HYOU1: variants seen among roughly 807,000 people sequenced by gnomAD.
HYOU1 encodes hypoxia up-regulated protein 1.
In HYOU1, 40 loss-of-function variants were observed where a neutral mutation model predicts 120.5. The ratio of observed to expected loss-of-function variants is 0.33; its 90% CI spans 0.26 to 0.43. The LOEUF (loss-of-function observed/expected upper bound fraction) is 0.43. Ranked by LOEUF, HYOU1 falls within the 20% of genes least tolerant of loss-of-function variation. The pLI, the probability that HYOU1 is intolerant of heterozygous loss-of-function variation, is 1.00. For missense variants in HYOU1, 1,085 were observed against 1,278.3 expected (o/e 0.85, Z 2.31); for synonymous variants, 501 against 479.4 (o/e 1.05, Z -0.59).
intron 1 of HYOU1, chr11:119,056,377 G>C: frequency 1.5e-6 from 1 of 655,992 alleles, no homozygotes. Context: ...CCAAGTGAAA[G>C]AGCATGGGTC....
chr11:119,052,394 T>C lies in HYOU1; in HGVS notation c.1023A>G (p.Ala341=). The C allele has an allele frequency of 6.2e-7, 1 of 1,614,226 alleles. No individual in the cohort carries two copies. Among genetic ancestry groups the C allele is most frequent in the Non-Finnish European group, 8.5e-7 (1 of 1,180,032 alleles). ...CCTCAAATTCCACACGAGTCACTTT[T>C]GCCTTGAAGTCCACATCATCCATCA... ...EGLMDDVDFK[A]KVTRVEFEEL... Residue 341 remains alanine, a synonymous_variant, in exon 10 of 26, where the codon GCA becomes GCG. Transcript: ENST00000617285. This position sits in a 1 kb window ranked among gnomAD's most constrained non-coding sequence, Gnocchi z 5.0.
Position 119,051,179 on chromosome 11 carries a change from T to C in HYOU1, c.1527-6A>G. Reference sequence around the variant, plus strand: ...GATTCTGGGAGCCAAATACCCTGGTTGGGAAGGAAAGAGGAGTTCAGGGGG... The same window carrying C: ...GATTCTGGGAGCCAAATACCCTGGTCGGGAAGGAAAGAGGAGTTCAGGGGG... On this transcript the variant is annotated splice_polypyrimidine_tract_variant and splice_region_variant and intron_variant, in intron 13 of 25. Transcript: ENST00000617285. This position sits in a 1 kb window ranked among gnomAD's most constrained non-coding sequence, Gnocchi z 4.2. 1 of 1,614,202 alleles carries C rather than the reference T, an allele frequency of 6.2e-7. No individual in the cohort carries two copies. Among genetic ancestry groups the C allele is most frequent in the African/African-American group, 1.3e-5 (1 of 75,050 alleles).
chr11:119,049,124 G>T lies in HYOU1; in HGVS notation c.1886C>A (p.Pro629Gln), dbSNP rs2133569773. Reference protein sequence around the residue: ...QVELKEEAEAPVEDGSQPPPP... With the variant: ...QVELKEEAEAQVEDGSQPPPP... ...TGGGGGCTGAGAGCCATCCTCCACT[G>T]GGGCCTCAGCTTCCTCCTTGAGCTC... Residue 629 changes from proline to glutamine, a missense_variant, in exon 17 of 26, where the codon CCA becomes CAA. Physicochemically the swap from Pro to Gln is moderately conservative, Grantham distance 76. This residue lies in a region of HYOU1 where 516 missense variants were observed against 517.1 expected (regional missense o/e 1.00). Transcript: ENST00000617285. 1.7e-5 allele frequency: 28 copies of T among 1,613,778 alleles called. No individual in the cohort carries two copies. Among genetic ancestry groups the T allele is most frequent in the Non-Finnish European group, 2.3e-5 (27 of 1,179,912 alleles).
chr11:119,056,499 T>A, intron 1 of HYOU1: 1 of 414,200 alleles, frequency 2.4e-6, no homozygotes, highest in South Asian at 1.9e-5. Flanking sequence ...ACTGTGCCTG[T>A]TGTCAGACAC....
Position 119,055,116 on chromosome 11 carries a change from A to G in HYOU1, c.420-56T>C. Reference sequence around the variant, plus strand: ...GAAAGCCAGGCATTAAGGCAGGACAATCAGGAACACACACCAATGAGGAGC... The same window carrying G: ...GAAAGCCAGGCATTAAGGCAGGACAGTCAGGAACACACACCAATGAGGAGC... On this transcript the variant is annotated intron_variant, in intron 5 of 25. Transcript: ENST00000617285. The surrounding 1 kb of genome is among the most constrained non-coding windows in gnomAD (Gnocchi z 4.0). The G allele has an allele frequency of 6.2e-7, 1 of 1,613,518 alleles. No individual in the cohort carries two copies. Among genetic ancestry groups the G allele is most frequent in the Non-Finnish European group, 8.5e-7 (1 of 1,179,544 alleles).
At position 119,044,985 on chromosome 11, in the gene HYOU1, G is replaced by A; in HGVS notation, c.*608C>T. The A allele has an allele frequency of 2.5e-6, 1 of 406,926 alleles. No individual in the cohort carries two copies. Among genetic ancestry groups the A allele is most frequent in the Non-Finnish European group, 5.1e-6 (1 of 194,492 alleles). The allele number at this position is 406,926 out of a possible 1,614,324, so 25.2% of individuals were successfully genotyped here. On this transcript the variant is annotated 3_prime_UTR_variant, in exon 26 of 26. Coordinates refer to ENST00000617285, the MANE Select transcript of HYOU1 (RefSeq NM_006389.5). ...CAGAGGTACAGGCTTTTAGGCAAGG[G>A]GCAGAGAACTGCCCAATTTGCTGCA... is the stretch of plus-strand genomic sequence containing the variant.
In HYOU1 at chr11:119,051,443, A is replaced by C. The variant is rs1592145686; in HGVS notation, c.1521T>G (p.Asp507Glu). 1 of 1,614,008 alleles carries C rather than the reference A, an allele frequency of 6.2e-7. No individual in the cohort carries two copies. Among genetic ancestry groups the C allele is most frequent in the Non-Finnish European group, 8.5e-7 (1 of 1,179,958 alleles). Residue 507 changes from aspartate (D) to glutamate (E), a missense_variant, in exon 13 of 26, where the codon GAT becomes GAG. Around this residue, in one of 4 missense-constraint regions of HYOU1, gnomAD observed 515 missense variants for 677.8 expected, o/e 0.76. Transcript: ENST00000617285. This position sits in a 1 kb window ranked among gnomAD's most constrained non-coding sequence, Gnocchi z 4.2. ...YGDLGFLGPE[D>E]LRVFGSQNLT... The stretch of plus-strand genomic sequence containing the variant: ...CCTACACCCCTGCCCCTCACCGAAG[A>C]TCTTCAGGCCCCAGGAAGCCCAGGT...
chr11:119,052,579 G>A lies in HYOU1; in HGVS notation c.987+58C>T. ...GCACGAGCAGCCCAGTTCAGTGGCA[G>A]GGTCCCCCACCCTCTACGTGGGACA... On this transcript the variant is annotated intron_variant, in intron 9 of 25. Transcript: ENST00000617285. This position sits in a 1 kb window ranked among gnomAD's most constrained non-coding sequence, Gnocchi z 5.0. The A allele has an allele frequency of 6.4e-7, 1 of 1,573,942 alleles. No homozygotes were observed. The highest frequency in any genetic ancestry group is 1.7e-5 in the Admixed American group (1 of 57,588).
chr11:119,055,392 C>T lies in HYOU1; in HGVS notation c.265-53G>A. 3 of 1,608,030 alleles carry T rather than the reference C, an allele frequency of 1.9e-6. No homozygotes were observed. Among genetic ancestry groups the T allele is most frequent in the Non-Finnish European group, 2.6e-6 (3 of 1,175,374 alleles). ...TATTAGGCTCCCAAGTCCACCATTA[C>T]CTACCTCTTACATCACAGAGACTGA... On this transcript the variant is annotated intron_variant, in intron 4 of 25. Transcript: ENST00000617285. The surrounding 1 kb of genome is among the most constrained non-coding windows in gnomAD (Gnocchi z 4.0).
rs2133602999 is a variant in HYOU1, at chr11:119,054,130, C to T, written c.785G>A (p.Arg262Gln). The T allele has an allele frequency of 4.8e-5, 78 of 1,610,368 alleles. No homozygotes were observed. Among genetic ancestry groups the T allele is most frequent in the African/African-American group, 1.5e-4 (11 of 74,978 alleles). ...EAGMQPQLQI[R>Q]GVGFDRTLGG... ...CCAAGTATCCACTTACCCTACTCCC[C>T]GGATCTGCAGCTGTGGCTGCATCCC... The change falls in exon 8 of 26, where the codon CGG becomes CAG. Residue 262 changes from arginine to glutamine, a missense_variant. Around this residue, in one of 4 missense-constraint regions of HYOU1, gnomAD observed 515 missense variants for 677.8 expected, o/e 0.76. Coordinates refer to ENST00000617285, the MANE Select transcript of HYOU1 (RefSeq NM_006389.5).
intron 25 of HYOU1, 52 bp from the exon 26 acceptor site, chr11:119,045,706 C>G: frequency 6.2e-7 from 1 of 1,613,424 alleles, no homozygotes; most frequent in Non-Finnish European, 8.5e-7. Flanking sequence ...AACAGAGGAA[C>G]CAACCCCAGT....
chr11:119,047,815 C>T lies in HYOU1; in HGVS notation c.2514G>A (p.Gly838=). The T allele has an allele frequency of 1.2e-6, 2 of 1,613,944 alleles. No individual in the cohort carries two copies. The highest frequency in any genetic ancestry group is 1.7e-6 in the Non-Finnish European group (2 of 1,180,016). Residue 838 remains glycine (G), a synonymous_variant, in exon 22 of 26, where the codon GGG becomes GGA. Transcript: ENST00000617285. ...LLNHSSMFLK[G]ARLIPEMDQI... The stretch of plus-strand genomic sequence containing the variant: ...GGTCCATCTCTGGGATGAGCCGGGC[C>T]CCCCTGGAAGCCAGAAAGGAGACCA...
rs2133583427 is a variant in HYOU1, at chr11:119,051,208, C to T, written c.1527-35G>A. 5 of 1,612,826 alleles carry T rather than the reference C, an allele frequency of 3.1e-6. No individual in the cohort carries two copies. The highest frequency in any genetic ancestry group is 3.4e-6 in the Non-Finnish European group (4 of 1,179,204). ...AAGGAAAGAGGAGTTCAGGGGGACC[C>T]ACCCCAGCCCATCTCGCCCTCTAGA... On this transcript the variant is annotated intron_variant, in intron 13 of 25. Transcript: ENST00000617285. This position sits in a 1 kb window ranked among gnomAD's most constrained non-coding sequence, Gnocchi z 4.2.
In HYOU1 at chr11:119,051,006, C is replaced by G. The variant is rs2133581951; in HGVS notation, c.1665+29G>C. The G allele has an allele frequency of 6.2e-7, 1 of 1,613,268 alleles. No individual in the cohort carries two copies. Among genetic ancestry groups the G allele is most frequent in the Admixed American group, 1.7e-5 (1 of 59,942 alleles). On this transcript the variant is annotated intron_variant, in intron 14 of 25. Coordinates refer to ENST00000617285, the MANE Select transcript of HYOU1 (RefSeq NM_006389.5). The surrounding 1 kb of genome is among the most constrained non-coding windows in gnomAD (Gnocchi z 4.2). ...GGCTGGCAGGGCCTGAGCCCCTGCT[C>G]TGCACACAGGGTATCCTTTAGCTCT...
Position 119,046,729 on chromosome 11 carries a change from T to G in HYOU1, c.2669A>C (p.Asp890Ala). 6.2e-7 allele frequency: 1 copy of G among 1,610,436 alleles called. No homozygotes were observed. The highest frequency in any genetic ancestry group is 8.5e-7 in the Non-Finnish European group (1 of 1,180,012). ...ATEKPVLLSK[D>A]IEAKMMALDR... ...CAGGGCCATCATCTTAGCTTCAATG[T>G]CTTTTGAGAGCAACACAGGCTTCTC... Residue 890 changes from aspartate (D) to alanine (A), a missense_variant, in exon 23 of 26, where the codon GAC (aspartate) becomes GCC (alanine). This residue lies in a region of HYOU1 where 516 missense variants were observed against 517.1 expected (regional missense o/e 1.00). Coordinates refer to ENST00000617285, the MANE Select transcript of HYOU1 (RefSeq NM_006389.5).
In HYOU1 at chr11:119,046,572, G is replaced by A. The variant is rs2133551082; in HGVS notation, c.2826C>T (p.Ile942=). The A allele has an allele frequency of 3.1e-6, 5 of 1,613,680 alleles. No homozygotes were observed. The highest frequency in any genetic ancestry group is 2.2e-5 in the East Asian group (1 of 44,894). ...GTACCCTGTTCTCACCTGCTGGAGG[G>A]ATGACCTTCTCCCCCTGGTCACTGG... ...ASASDQGEKV[I]PPAGQTEDAE... is the part of the protein sequence containing the mutation. Residue 942 remains isoleucine (I), a synonymous_variant, in exon 23 of 26, where the codon ATC becomes ATT. Coordinates refer to ENST00000617285, the MANE Select transcript of HYOU1 (RefSeq NM_006389.5).
rs2133551593 is a variant in HYOU1, at chr11:119,046,616, G to A, written c.2782C>T (p.Pro928Ser). 2.3e-5 allele frequency: 37 copies of A among 1,614,040 alleles called. No homozygotes were observed. The African/African-American group carries it at 4.3e-4, about 19-fold the overall frequency. ...PKDKNGTRAE[P>S]PLNASASDQG... is the part of the protein sequence containing the mutation. ...TCACTGGCACTGGCATTGAGGGGTG[G>A]CTCTGCCCGGGTCCCATTCTTGTCC... Residue 928 changes from proline to serine, a missense_variant, in exon 23 of 26, where the codon CCA becomes TCA. Pro to Ser is a moderately conservative substitution (Grantham distance 74). Around this residue, in one of 4 missense-constraint regions of HYOU1, gnomAD observed 516 missense variants for 517.1 expected, o/e 1.00. Transcript: ENST00000617285.
At position 119,055,185 on chromosome 11, in the gene HYOU1, G is replaced by C. The variant is rs781897557; in HGVS notation, c.419C>G (p.Ser140Trp). The C allele has an allele frequency of 1.9e-6, 3 of 1,612,898 alleles. No homozygotes were observed. The African/African-American group carries it at 4.0e-5, about 22-fold the overall frequency. The change falls in exon 5 of 26, where the codon TCG becomes TGG. Residue 140 changes from serine (S) to tryptophan (W), a missense_variant and splice_region_variant. Ser to Trp is a radical substitution (Grantham distance 177). This residue lies in a region of HYOU1 where 515 missense variants were observed against 677.8 expected (regional missense o/e 0.76). Coordinates refer to ENST00000617285, the MANE Select transcript of HYOU1 (RefSeq NM_006389.5). This position sits in a 1 kb window ranked among gnomAD's most constrained non-coding sequence, Gnocchi z 4.0. ...QRQTVHFQIS[S>W]QLQFSPEEVL... ...CCACCTTCCCCAACAGAGCACTCACGAGCTGATCTGAAAGTGCACAGTCTG... is the reference window on the plus strand; with the variant it reads ...CCACCTTCCCCAACAGAGCACTCACCAGCTGATCTGAAAGTGCACAGTCTG...
intron 15 of HYOU1, 56 bp from the exon 16 acceptor site, chr11:119,049,691 T>A: frequency 6.2e-7 from 1 of 1,608,410 alleles, no homozygotes. Flanking sequence ...GACTCCACCT[T>A]CTAACCCAAG....
Sources: allele counts gnomAD v4.1 joint callset, GRCh38; gene constraint gnomAD v4.1.1; regional missense constraint gnomAD v4.1.1; non-coding constraint Gnocchi (gnomAD v3.1); transcripts MANE v1.5; gene names NCBI Gene and HGNC (gene_info 2026-07-23, HGNC 2026-07-21).